Variants in AFAP1 observed in about 807,000 individuals in gnomAD.
AFAP1 encodes the protein actin filament-associated protein 1.
A neutral mutation model predicts 93.9 loss-of-function variants in AFAP1; 75 were observed. That is an observed-to-expected ratio of 0.80 (90% CI 0.66 to 0.97). The LOEUF (loss-of-function observed/expected upper bound fraction) is 0.97. Ranked by LOEUF, AFAP1 falls within the 50% of genes least tolerant of loss-of-function variation. AFAP1 has a pLI of 0.00. For missense variants in AFAP1, 1,201 were observed against 1,050.8 expected, an observed-to-expected ratio of 1.14 and a Z score of -1.98; for synonymous variants, 517 against 430.7, an observed-to-expected ratio of 1.20 and a Z score of -2.48.
At chr4:7,873,262 C>A (rs111764679) in intron 1 of AFAP1, among the ~76,000 whole-genome samples, 1,368 of 130,226 alleles carry the variant, frequency 0.011, 28 homozygotes, top group South Asian at 0.032. Context: ...AAAAAAAAAA[C>A]CCCACTTTCA....
chr4:7,807,132 T>C (rs1357526026), intron 9 of AFAP1, among the ~76,000 whole-genome samples: 3 of 152,186 alleles, frequency 2.0e-5, no homozygotes, highest in Non-Finnish European at 4.4e-5. Flanking sequence ...AGTCTCTCAA[T>C]TGCCTTTCAT....
chr4:7,822,460 A>G (rs1367186443), intron 6 of AFAP1, among the ~76,000 whole-genome samples: 1 of 152,082 alleles, frequency 6.6e-6, no homozygotes, highest in African/African-American at 2.4e-5. Flanking sequence ...ATACAAACGC[A>G]CCTGACATGC....
At chr4:7,920,596 G>A (rs181750383) in intron 1 of AFAP1, among the ~76,000 whole-genome samples, 2 of 152,206 alleles carry the variant, frequency 1.3e-5, no homozygotes, top group African/African-American at 2.4e-5. Flanking sequence ...AAAGTTATAC[G>A]GAAAATATAA....
rs78874833 is a variant in AFAP1 at position 7,812,749 on chromosome 4, G to C, written c.905-2986C>G. Among the ~76,000 whole-genome samples the C allele has an allele frequency of 2.0e-5, 3 of 152,192 alleles. No homozygotes were observed. The East Asian group carries it at 5.8e-4, about 29-fold the overall frequency. On this transcript the variant is annotated intron_variant, in intron 8 of 17. Transcript: ENST00000420658. ...AAACCATGAGTATCATAAACCCAGA[G>C]AGTTTCCCAGTAACCGACGGAAACG... is the stretch of plus-strand genomic sequence containing the variant.
chr4:7,793,961 TG>T, intron 10 of AFAP1, 135 bp from the exon 11 acceptor site: 1 of 1,004,380 alleles, frequency 1.0e-6, no homozygotes. Flanking sequence ...AAAAGGAAGA[TG>T]GCTGAGCGAT....
chr4:7,803,525 C>T (rs1380277119), intron 9 of AFAP1, among the ~76,000 whole-genome samples: 2 of 152,090 alleles, frequency 1.3e-5, no homozygotes, highest in East Asian at 1.9e-4. Flanking sequence ...GATCCCCAAC[C>T]ACAGGGGACC....
chr4:7,936,829 C>T (rs1269693830), intron 1 of AFAP1, among the ~76,000 whole-genome samples: 1 of 152,168 alleles, frequency 6.6e-6, no homozygotes, highest in East Asian at 1.9e-4. Flanking sequence ...GATCTGCCTG[C>T]CTCGGCCTCC....
chr4:7,840,558 C>T (rs947102457), intron 5 of AFAP1, among the ~76,000 whole-genome samples: 37 of 152,128 alleles, frequency 2.4e-4, no homozygotes, highest in Non-Finnish European at 4.6e-4. Flanking sequence ...ATGATCCGCC[C>T]GCCTCAGCCT....
chr4:7,882,333 T>C (rs1048226053), intron 1 of AFAP1, among the ~76,000 whole-genome samples: 1 of 151,040 alleles, frequency 6.6e-6, no homozygotes, highest in Non-Finnish European at 1.5e-5. Flanking sequence ...TACCAAACCT[T>C]AAACACCAAG....
intron 1 of AFAP1, among the ~76,000 whole-genome samples, chr4:7,873,583 C>T (rs28842326): frequency 0.088 from 13,290 of 151,788 alleles, 1,170 homozygotes; most frequent in East Asian, 0.5. Context: ...CTCCTGACCT[C>T]GTGATCCACC....
At chr4:7,917,478 A>G (rs1720149182) in intron 1 of AFAP1, among the ~76,000 whole-genome samples, 1 of 152,158 alleles carries the variant, frequency 6.6e-6, no homozygotes, top group Non-Finnish European at 1.5e-5. Context: ...TGTCTTCCAT[A>G]TCATTTGAAC....
chr4:7,809,093 G>C (rs1368016471), intron 9 of AFAP1, among the ~76,000 whole-genome samples: 1 of 151,408 alleles, frequency 6.6e-6, no homozygotes, highest in African/African-American at 2.4e-5. Flanking sequence ...AAGTTTTAGG[G>C]TACATGTGCA....
intron 15 of AFAP1, chr4:7,773,751 TCA>T (rs1280946143): frequency 1.3e-5 from 2 of 152,442 alleles, no homozygotes; most frequent in African/African-American, 4.8e-5. Flanking sequence ...AGGGTCAGCC[TCA>T]GACTGCAGGC....
At chr4:7,896,193 C>G (rs1437609063) in intron 1 of AFAP1, among the ~76,000 whole-genome samples, 1 of 152,092 alleles carries the variant, frequency 6.6e-6, no homozygotes, top group Non-Finnish European at 1.5e-5. Context: ...GGTCCAATTT[C>G]TATGGAGCAA....
At chr4:7,871,589 C>T (rs1170675060) in intron 2 of AFAP1, among the ~76,000 whole-genome samples, 2 of 152,244 alleles carry the variant, frequency 1.3e-5, no homozygotes, top group Non-Finnish European at 2.9e-5. Context: ...CCTACATCTT[C>T]TCCCTTCCGA....
chr4:7,834,914 A>T (rs4990020), intron 6 of AFAP1, among the ~76,000 whole-genome samples: 10,882 of 96,430 alleles, frequency 0.11, 998 homozygotes, highest in East Asian at 0.54. Context: ...GACTGCGGGC[A>T]GCCTTAAGGT....
At chr4:7,859,085 C>T (rs28438948) in intron 3 of AFAP1, among the ~76,000 whole-genome samples, 46,867 of 152,118 alleles carry the variant, frequency 0.31, 8,933 homozygotes, top group Non-Finnish European at 0.44. Flanking sequence ...TCTGTCCCCA[C>T]TGTTTCCTGG....
At chr4:7,825,648 C>T (rs1310881264) in intron 6 of AFAP1, among the ~76,000 whole-genome samples, 1 of 152,008 alleles carries the variant, frequency 6.6e-6, no homozygotes, top group Non-Finnish European at 1.5e-5. Context: ...AGGCTAAAAA[C>T]TCAATTATCT....
Position 7,761,805 on chromosome 4 carries a change from T to G in AFAP1, c.*1960A>C, listed in dbSNP as rs1185239807. On this transcript the variant is annotated 3_prime_UTR_variant, in exon 18 of 18. Coordinates refer to ENST00000420658, the MANE Select transcript of AFAP1 (RefSeq NM_001134647.2). The stretch of plus-strand genomic sequence containing the variant: ...CCCAGCTGCCTGCAATGGTGGGAAG[T>G]CTGCCTGCAATGGTGGGAAGTGACC... The G allele has an allele frequency of 6.6e-6, 1 of 151,482 alleles. No individual in the cohort carries two copies. Among genetic ancestry groups the G allele is most frequent in the African/African-American group, 2.4e-5 (1 of 40,826 alleles). The allele number at this position is 151,482 out of a possible 1,614,324, so 9.4% of individuals were successfully genotyped here.
Sources: allele counts gnomAD v4.1 joint callset (sites outside exome capture counted in the v4.1 genomes callset), GRCh38; gene constraint gnomAD v4.1.1; transcripts MANE v1.5; gene names NCBI Gene and HGNC (gene_info 2026-07-23, HGNC 2026-07-21).